The following TCF12 variants were observed in gnomAD, a reference collection of about 807,000 sequenced individuals.
TCF12 encodes transcription factor 12.
TCF12 carries 45 observed loss-of-function variants against 86.0 expected under a neutral mutation model. That is an observed-to-expected ratio of 0.52 (90% confidence interval 0.41 to 0.67). TCF12 has a LOEUF of 0.67. TCF12 is among the 30% of genes least tolerant of loss of function. The probability of loss-of-function intolerance (pLI) is 0.00; values close to 1 mark genes in which losing one functional copy is unlikely to be tolerated. For missense variants in TCF12, 881 were observed against 859.9 expected (o/e 1.02, Z -0.31); for synonymous variants, 330 against 299.6 (o/e 1.10, Z -1.05).
At chr15:57,098,928 G>C (rs891128483) in intron 5 of TCF12, among the ~76,000 whole-genome samples, 2 of 152,144 alleles carry the variant, frequency 1.3e-5, no homozygotes, top group Admixed American at 6.5e-5. Context: ...TTGGGCCAAG[G>C]AGAGTGGATG....
Position 57,282,578 on chromosome 15 carries a change from T to C in TCF12, c.2112T>C (p.Gly704=), listed in dbSNP as rs1431510163. Residue 704 remains glycine, a synonymous_variant, in exon 20 of 21, where the codon GGT becomes GGC. Transcript: ENST00000333725. ...PGLSETTNPM[G]HM is the part of the protein sequence containing the mutation. ...TTAGTGAAACTACCAACCCTATGGG[T>C]CATATGTAAACATCAGCCAGGTAAG... 2 of 1,613,282 alleles carry C rather than the reference T, an allele frequency of 1.2e-6. No homozygotes were observed. Among genetic ancestry groups the C allele is most frequent in the Admixed American group, 3.3e-5 (2 of 59,826 alleles).
intron 13 of TCF12, among the ~76,000 whole-genome samples, chr15:57,245,434 C>T (rs578223894): frequency 7.2e-5 from 11 of 152,244 alleles, no homozygotes; most frequent in Non-Finnish European, 1.6e-4. Flanking sequence ...ACCCTCTTTG[C>T]ACAGTTCTAC....
At chr15:57,093,501 T>A (rs532479421) in intron 5 of TCF12, among the ~76,000 whole-genome samples, 1 of 152,342 alleles carries the variant, frequency 6.6e-6, no homozygotes, top group South Asian at 2.1e-4. Context: ...AGATGACTTT[T>A]AGGCCCAATG....
At chr15:57,042,754 T>C (rs1043917061) in intron 3 of TCF12, among the ~76,000 whole-genome samples, 1 of 152,176 alleles carries the variant, frequency 6.6e-6, no homozygotes, top group African/African-American at 2.4e-5. Flanking sequence ...TTAGGTCTAC[T>C]TTTTTGTTTT....
At chr15:57,253,534 A>G (rs1387963641) in intron 16 of TCF12, 66 bp downstream of exon 16, 1 of 1,554,116 alleles carries the variant, frequency 6.4e-7, no homozygotes. Context: ...TCTTTAATGA[A>G]ATCTTTGGGA....
At chr15:56,984,844 A>G (rs2140915633) in intron 3 of TCF12, among the ~76,000 whole-genome samples, 1 of 152,308 alleles carries the variant, frequency 6.6e-6, no homozygotes, top group South Asian at 2.1e-4. Flanking sequence ...AAAGTCCCAT[A>G]AGATCTCAGA....
chr15:57,126,022 G>A (rs2051621874), intron 5 of TCF12, among the ~76,000 whole-genome samples: 1 of 152,166 alleles, frequency 6.6e-6, no homozygotes. Context: ...CATGGGCTCA[G>A]GAGTTCGAGA....
At chr15:57,032,803 G>GAT (rs2066281575) in intron 3 of TCF12, among the ~76,000 whole-genome samples, 1 of 152,066 alleles carries the variant, frequency 6.6e-6, no homozygotes, top group African/African-American at 2.4e-5. Context: ...AAAGTTACTT[G>GAT]ATATACAAAA....
intron 8 of TCF12, among the ~76,000 whole-genome samples, chr15:57,217,662 C>T (rs934865171): frequency 1.3e-5 from 2 of 152,028 alleles, no homozygotes; most frequent in East Asian, 3.8e-4. Context: ...TCCTCAATTT[C>T]TATTGAAAAG....
At chr15:57,167,646 G>C (rs1165858769) in intron 6 of TCF12, among the ~76,000 whole-genome samples, 2 of 152,038 alleles carry the variant, frequency 1.3e-5, no homozygotes, top group African/African-American at 4.8e-5. Context: ...TAAATATATT[G>C]TAAAAATTCA....
intron 3 of TCF12, among the ~76,000 whole-genome samples, chr15:57,038,579 C>G (rs781347908): frequency 6.6e-6 from 1 of 152,088 alleles, no homozygotes; most frequent in African/African-American, 2.4e-5. Flanking sequence ...CCTGAAAATA[C>G]GCTTTTCATA....
intron 8 of TCF12, chr15:57,219,720 CTTTTT>C (rs11395092): frequency 3.0e-3 from 872 of 294,984 alleles, no homozygotes; most frequent in Middle Eastern, 6.2e-3. Context: ...TTGTAGATTT[CTTTTT>C]TTTTTTTTTT....
chr15:57,118,055 A>C (rs937656833), intron 5 of TCF12, among the ~76,000 whole-genome samples: 50 of 152,184 alleles, frequency 3.3e-4, no homozygotes, highest in Non-Finnish European at 8.8e-5. Flanking sequence ...TACAATGATC[A>C]ATTTAATTGG....
At chr15:57,057,107 G>A (rs1161106717) in intron 3 of TCF12, among the ~76,000 whole-genome samples, 1 of 152,190 alleles carries the variant, frequency 6.6e-6, no homozygotes, top group East Asian at 1.9e-4. Flanking sequence ...CTTGCCTGAA[G>A]TTGGTAGCTG....
intron 5 of TCF12, among the ~76,000 whole-genome samples, chr15:57,125,305 G>A (rs1309405868): frequency 6.6e-6 from 1 of 152,216 alleles, no homozygotes; most frequent in African/African-American, 2.4e-5. Context: ...GTTGACTAAA[G>A]ACTTTATAAT....
intron 3 of TCF12, among the ~76,000 whole-genome samples, chr15:57,013,134 G>T (rs552294420): frequency 1.3e-5 from 2 of 151,960 alleles, no homozygotes; most frequent in Non-Finnish European, 2.9e-5. Flanking sequence ...CTCAGATGGC[G>T]TGGCAGTGTG....
At chr15:57,081,099 C>T (rs1267387590) in intron 4 of TCF12, among the ~76,000 whole-genome samples, 1 of 152,208 alleles carries the variant, frequency 6.6e-6, no homozygotes, top group East Asian at 1.9e-4. Flanking sequence ...ACTGTCTCCA[C>T]TGTTGTGAGC....
At chr15:57,265,765 C>T (rs1447443165) in intron 18 of TCF12, among the ~76,000 whole-genome samples, 1 of 152,180 alleles carries the variant, frequency 6.6e-6, no homozygotes, top group Non-Finnish European at 1.5e-5. Flanking sequence ...TGAGGACTTA[C>T]TGTAGTGTGT....
At chr15:56,958,931 T>C (rs2061620544) in intron 3 of TCF12, among the ~76,000 whole-genome samples, 1 of 152,188 alleles carries the variant, frequency 6.6e-6, no homozygotes, top group South Asian at 2.1e-4. Context: ...ACTACTTATC[T>C]AGTGGATTGT....
Sources: allele counts gnomAD v4.1 joint callset (sites outside exome capture counted in the v4.1 genomes callset), GRCh38; gene constraint gnomAD v4.1.1; transcripts MANE v1.5; gene names NCBI Gene and HGNC (gene_info 2026-07-23, HGNC 2026-07-21).